The following C2 variants were observed in gnomAD, a reference collection of about 807,000 sequenced individuals.
The protein encoded by C2 is C3/C5 convertase.
In C2, 64 loss-of-function variants were observed where a neutral mutation model predicts 85.2. The ratio of observed to expected loss-of-function variants is 0.75; its 90% CI spans 0.61 to 0.92. The LOEUF (loss-of-function observed/expected upper bound fraction) is 0.92. Among genes scored for constraint, C2 ranks in the 40% least tolerant of loss-of-function variants. The pLI is 0.00. For missense variants in C2, 820 were observed against 971.6 expected (o/e 0.84, Z 2.07); for synonymous variants, 311 against 370.8 (o/e 0.84, Z 1.85).
intron 1 of C2, among the ~76,000 whole-genome samples, chr6:31,906,913 G>C (rs1767748008): frequency 6.6e-6 from 1 of 151,842 alleles, no homozygotes; most frequent in Non-Finnish European, 1.5e-5. Flanking sequence ...GAGGTGGCCG[G>C]ATCATTTGAG....
intron 1 of C2, among the ~76,000 whole-genome samples, chr6:31,909,712 G>C (rs1156471905): frequency 6.6e-6 from 1 of 151,308 alleles, no homozygotes; most frequent in Non-Finnish European, 1.5e-5. Context: ...CTCTCAGCCT[G>C]GGATCACAGG....
At chr6:31,928,327 G>A in intron 2 of C2, 163 bp downstream of exon 2, 1 of 711,352 alleles carries the variant, frequency 1.4e-6, no homozygotes, top group Non-Finnish European at 2.5e-6. Context: ...CCAGTAGCAA[G>A]GAATTGGGAA....
upstream of C2, among the ~76,000 whole-genome samples, chr6:31,898,389 G>A (rs1766868579): frequency 3.3e-5 from 5 of 152,190 alleles, no homozygotes; most frequent in Admixed American, 3.3e-4. Flanking sequence ...TAGCCCAGCG[G>A]ACAATTTAAG....
Position 31,933,905 on chromosome 6 carries a change from G to A in C2, c.655G>A (p.Ala219Thr). The change falls in exon 5 of 18, where the codon GCC becomes ACC. Residue 219 changes from alanine (A) to threonine (T), a missense_variant. By Grantham distance (58) the Ala-to-Thr change is moderately conservative (BLOSUM62 0). Coordinates refer to ENST00000299367, the MANE Select transcript of C2 (RefSeq NM_000063.6). Reference sequence around the variant, plus strand: ...TGACTTCCCTGAGGACGTGGCCCCTGCCCTGGGCACTTCCTTCTCCCACAT... The same window carrying A: ...TGACTTCCCTGAGGACGTGGCCCCTACCCTGGGCACTTCCTTCTCCCACAT... Reference protein sequence around the residue: ...SYDFPEDVAPALGTSFSHMLG... With the variant: ...SYDFPEDVAPTLGTSFSHMLG... 6.2e-7 allele frequency: 1 copy of A among 1,614,200 alleles called. No individual in the cohort carries two copies. Among genetic ancestry groups the A allele is most frequent in the Non-Finnish European group, 8.5e-7 (1 of 1,180,034 alleles).
intron 1 of C2, among the ~76,000 whole-genome samples, chr6:31,903,887 C>G (rs369449420): frequency 6.6e-6 from 1 of 151,930 alleles, no homozygotes; most frequent in African/African-American, 2.4e-5. Context: ...AGAGTCTGTT[C>G]TAAACTGCTC....
At chr6:31,937,500 G>T in intron 8 of C2, 41 bp downstream of exon 8, 1 of 1,611,074 alleles carries the variant, frequency 6.2e-7, no homozygotes. Context: ...AATAGTGGAA[G>T]GGGCACCAAT....
rs1489064992 is a variant in C2 at position 31,941,887 on chromosome 6, C to T, written c.1220-1072C>T. Among the ~76,000 whole-genome samples the T allele has an allele frequency of 2.1e-4, 28 of 135,094 alleles. No homozygotes were observed. The Admixed American group carries it at 2.3e-3, about 11-fold the overall frequency. 88.6% of individuals were successfully genotyped at this position (135,094 alleles called of 152,430 possible). A position where few individuals can be genotyped will look rare whatever the true frequency, so the allele number is the denominator to read the frequency against. The stretch of plus-strand genomic sequence containing the variant: ...AGGCTGGAGTGCAGTGGTGCAATCT[C>T]GGCTCACTGCAACATCCGCCTCCCG... On this transcript the variant is annotated intron_variant, in intron 9 of 17. Transcript: ENST00000299367.
chr6:31,937,734 G>A (rs1214326894), intron 8 of C2, among the ~76,000 whole-genome samples: 1 of 150,628 alleles, frequency 6.6e-6, no homozygotes, highest in Non-Finnish European at 1.5e-5. Context: ...CCAGTGTGGT[G>A]GCTTATGCCT....
At chr6:31,899,197 TCTCC>T (rs540119348), upstream of C2, among the ~76,000 whole-genome samples, 246 of 151,472 alleles carry the variant, frequency 1.6e-3, no homozygotes, top group Middle Eastern at 3.4e-3. Flanking sequence ...TCTCTACTCC[TCTCC>T]CTCCCTCCCA....
intron 5 of C2, 96 bp from the exon 6 acceptor site, chr6:31,934,070 C>T: frequency 6.4e-7 from 1 of 1,560,154 alleles, no homozygotes; most frequent in Non-Finnish European, 8.8e-7. Context: ...GTGGGCTCAG[C>T]CACTGAAAGG....
At position 31,943,783 on chromosome 6, in the gene C2, G is replaced by A. The variant is rs912538567; in HGVS notation, c.1707G>A (p.Gln569=). Residue 569 remains glutamine, a synonymous_variant, in exon 13 of 18, where the codon CAG becomes CAA. Coordinates refer to ENST00000299367, the MANE Select transcript of C2 (RefSeq NM_000063.6). The surrounding 1 kb of genome is among the most constrained non-coding windows in gnomAD (Gnocchi z 6.4). ...ACATAGCTCTGCTGAAGCTGGCCCA[G>A]AAAGTAAAGATGTCCACCCATGCCA... is the stretch of plus-strand genomic sequence containing the variant. ...GDDIALLKLA[Q]KVKMSTHARP... 4.3e-6 allele frequency: 7 copies of A among 1,612,992 alleles called. No homozygotes were observed. Among genetic ancestry groups the A allele is most frequent in the Non-Finnish European group, 5.9e-6 (7 of 1,180,044 alleles).
rs769006547 is a variant in C2, at chr6:31,945,476, G to A, written c.*119G>A. 9 of 1,017,332 alleles carry A rather than the reference G, an allele frequency of 8.8e-6. No homozygotes were observed. Among genetic ancestry groups the A allele is most frequent in the Non-Finnish European group, 1.4e-5 (9 of 661,568 alleles). 63.0% of individuals were successfully genotyped at this position (1,017,332 alleles called of 1,614,324 possible). On this transcript the variant is annotated 3_prime_UTR_variant, in exon 18 of 18. Coordinates refer to ENST00000299367, the MANE Select transcript of C2 (RefSeq NM_000063.6). The surrounding 1 kb of genome is among the most constrained non-coding windows in gnomAD (Gnocchi z 5.3). The stretch of plus-strand genomic sequence containing the variant: ...CTCTCTCCTAGCTGAGTAAATCCGG[G>A]TCTCTAGGATGCCAGAGGCAGCGCA...
At chr6:31,900,681 A>T, upstream of C2, 2 of 1,611,960 alleles carry the variant, frequency 1.2e-6, no homozygotes, top group South Asian at 2.2e-5. The surrounding 1 kb of genome is among the most constrained non-coding windows in gnomAD (Gnocchi z 9.7). Context: ...TTGACGATGC[A>T]GATGTCAGAC....
rs745667956 is a variant in C2 at position 31,943,970 on chromosome 6, A to C, written c.1787A>C (p.Gln596Pro). 1 of 1,612,928 alleles carries C rather than the reference A, an allele frequency of 6.2e-7. No individual in the cohort carries two copies. The highest frequency in any genetic ancestry group is 1.1e-5 in the South Asian group (1 of 91,078). ...MEANLALRRP[Q>P]GSTCRDHENE... ...GCCAATCTGGCTCTGCGGAGACCTC[A>C]AGGCAGCACCTGTAGGGACCATGGT... Residue 596 changes from glutamine (Q) to proline (P), a missense_variant, in exon 14 of 18, where the codon CAA becomes CCA. Coordinates refer to ENST00000299367, the MANE Select transcript of C2 (RefSeq NM_000063.6). This position sits in a 1 kb window ranked among gnomAD's most constrained non-coding sequence, Gnocchi z 6.4.
chr6:31,938,807 C>T (rs1770648048), intron 8 of C2, among the ~76,000 whole-genome samples: 1 of 152,174 alleles, frequency 6.6e-6, no homozygotes, highest in Non-Finnish European at 1.5e-5. Context: ...GCATGTGCCA[C>T]CACACCCGGC....
chr6:31,916,575 A>G (rs1768521410), upstream of C2, among the ~76,000 whole-genome samples: 1 of 151,452 alleles, frequency 6.6e-6, no homozygotes, highest in African/African-American at 2.4e-5. Flanking sequence ...AAAAAAAAAA[A>G]AAAGAGTGAT....
chr6:31,899,229 C>A (rs1363257926), upstream of C2, among the ~76,000 whole-genome samples: 3 of 146,516 alleles, frequency 2.0e-5, no homozygotes, highest in East Asian at 5.9e-4. Flanking sequence ...TTCTTGTGTT[C>A]TTTCTTTTCT....
At chr6:31,916,093 G>C (rs1305398000), upstream of C2, among the ~76,000 whole-genome samples, 1 of 152,184 alleles carries the variant, frequency 6.6e-6, no homozygotes, top group Non-Finnish European at 1.5e-5. Context: ...GTGGAAGAAG[G>C]GCAGTAGTTT....
Position 31,943,003 on chromosome 6 carries a change from G to A in C2, c.1264G>A (p.Glu422Lys), listed in dbSNP as rs1771010373. The A allele has an allele frequency of 2.5e-6, 4 of 1,612,976 alleles. No homozygotes were observed. Among genetic ancestry groups the A allele is most frequent in the Non-Finnish European group, 1.7e-6 (2 of 1,180,046 alleles). ...GGGCAAGCTGGATGTGGACTGGAGA[G>A]AACTGAATGAGCTAGGGTCCAAGAA... ...GVGKLDVDWR[E>K]LNELGSKKDG... Residue 422 changes from glutamate to lysine, a missense_variant, in exon 10 of 18, where the codon GAA becomes AAA. Transcript: ENST00000299367. This position sits in a 1 kb window ranked among gnomAD's most constrained non-coding sequence, Gnocchi z 6.4.
Sources: gnomAD v4.1 joint callset for allele counts (sites outside exome capture counted in the v4.1 genomes callset) on GRCh38, gnomAD v4.1.1 for gene constraint, Gnocchi (gnomAD v3.1) non-coding constraint, MANE v1.5 for transcripts, NCBI Gene and HGNC (gene_info 2026-07-23, HGNC 2026-07-21) for gene names.